The following PDE4D variants were observed in gnomAD, a reference collection of about 807,000 sequenced individuals.
The protein encoded by PDE4D is 3',5'-cyclic-AMP phosphodiesterase 4D.
In PDE4D, 24 loss-of-function variants were observed where a neutral mutation model predicts 87.4. That is an observed-to-expected ratio of 0.27 (90% CI 0.20 to 0.39). PDE4D has a LOEUF of 0.39. PDE4D is among the 10% of genes least tolerant of loss of function. PDE4D has a pLI of 1.00. For synonymous variants in PDE4D, 384 were observed against 383.2 expected, an observed-to-expected ratio of 1.00 and a Z score of -0.02; for missense variants, 714 against 1,041.0, an observed-to-expected ratio of 0.69 and a Z score of 4.32.
intron 1 of PDE4D, among the ~76,000 whole-genome samples, chr5:59,717,472 TGCAAGATAAAG>T (rs1316276166): frequency 1.3e-5 from 2 of 152,196 alleles, no homozygotes; most frequent in Non-Finnish European, 1.5e-5. Context: ...GAATTCCACA[TGCAAGATAAAG>T]GCACAGCCAC....
intron 1 of PDE4D, among the ~76,000 whole-genome samples, chr5:60,433,627 T>G (rs1250766217): frequency 6.6e-6 from 1 of 152,210 alleles, no homozygotes; most frequent in African/African-American, 2.4e-5. Flanking sequence ...CATGCATATG[T>G]TCATTGCAGC....
intron 1 of PDE4D, among the ~76,000 whole-genome samples, chr5:59,395,168 T>C (rs1296504466): frequency 2.0e-5 from 3 of 151,570 alleles, no homozygotes; most frequent in East Asian, 3.9e-4. Flanking sequence ...GCGCCCACCA[T>C]TGTCCAGGCT....
chr5:59,475,488 T>TA (rs1803162192), intron 1 of PDE4D, among the ~76,000 whole-genome samples: 1 of 152,070 alleles, frequency 6.6e-6, no homozygotes, highest in African/African-American at 2.4e-5. Flanking sequence ...TGGCAAGAAT[T>TA]TTTACTTTTC....
intron 1 of PDE4D, among the ~76,000 whole-genome samples, chr5:59,550,242 G>A (rs528862211): frequency 1.3e-5 from 2 of 151,716 alleles, no homozygotes; most frequent in Non-Finnish European, 2.9e-5. Flanking sequence ...CATTTACCTT[G>A]ATAACATATC....
chr5:58,996,192 G>A (rs1214616097), intron 6 of PDE4D, among the ~76,000 whole-genome samples: 1 of 152,112 alleles, frequency 6.6e-6, no homozygotes, highest in Non-Finnish European at 1.5e-5. Flanking sequence ...TAGATGACAG[G>A]TTGATGGGTG....
intron 1 of PDE4D, among the ~76,000 whole-genome samples, chr5:59,320,858 C>T (rs1228073664): frequency 6.6e-6 from 1 of 152,018 alleles, no homozygotes; most frequent in Non-Finnish European, 1.5e-5. Context: ...CCAACGAACC[C>T]ACCAACCAAT....
chr5:59,013,188 G>A (rs1219099947), intron 6 of PDE4D, among the ~76,000 whole-genome samples: 1 of 152,166 alleles, frequency 6.6e-6, no homozygotes, highest in Non-Finnish European at 1.5e-5. Flanking sequence ...GTGCCCACAA[G>A]AGAAAGCAGG....
At chr5:59,471,707 G>A (rs964688542) in intron 1 of PDE4D, among the ~76,000 whole-genome samples, 1 of 152,172 alleles carries the variant, frequency 6.6e-6, no homozygotes, top group East Asian at 1.9e-4. Flanking sequence ...AGGGAAGGTC[G>A]TTAAAAAGGC....
intron 2 of PDE4D, among the ~76,000 whole-genome samples, chr5:60,038,472 C>T (rs947400955): frequency 6.6e-6 from 1 of 151,918 alleles, no homozygotes; most frequent in African/African-American, 2.4e-5. Flanking sequence ...CTGTTCTGTT[C>T]CACTGATCTA....
At chr5:59,149,258 A>T (rs1482071547) in intron 5 of PDE4D, among the ~76,000 whole-genome samples, 3 of 152,176 alleles carry the variant, frequency 2.0e-5, no homozygotes, top group Non-Finnish European at 4.4e-5. Flanking sequence ...AACTCAGGTT[A>T]GATGTTTCTT....
At chr5:59,218,508 C>G (rs1482601540) in intron 1 of PDE4D, among the ~76,000 whole-genome samples, 1 of 152,020 alleles carries the variant, frequency 6.6e-6, no homozygotes, top group Non-Finnish European at 1.5e-5. Context: ...ATAATATTAG[C>G]ACTAAAACCA....
At chr5:59,547,583 A>G (rs1379483459) in intron 1 of PDE4D, among the ~76,000 whole-genome samples, 1 of 152,136 alleles carries the variant, frequency 6.6e-6, no homozygotes, top group Non-Finnish European at 1.5e-5. Context: ...TCCTTTCAAA[A>G]TATCATTTTC....
Position 60,098,264 on chromosome 5 carries a change from TA to T in PDE4D, c.42+87292del, listed in dbSNP as rs113314941. Among the ~76,000 whole-genome samples the T allele has an allele frequency of 7.7e-3, 1,172 of 152,102 alleles. 12 individuals carry two copies. The highest frequency in any genetic ancestry group is 0.027 in the African/African-American group (1,116 of 41,536). On this transcript the variant is annotated intron_variant, in intron 2 of 16. Transcript: ENST00000502484. Reference sequence around the variant, plus strand: ...AGGAAAACTATAGTTAACAATAATTTATTATATATTTCAAATAGCTAGAATA... The same window carrying T: ...AGGAAAACTATAGTTAACAATAATTTTTATATATTTCAAATAGCTAGAATA...
intron 1 of PDE4D, among the ~76,000 whole-genome samples, chr5:60,458,271 C>T (rs2150165098): frequency 6.6e-6 from 1 of 151,296 alleles, no homozygotes; most frequent in African/African-American, 2.4e-5. Context: ...CTTGTAGTCC[C>T]AGCTACTCAG....
chr5:60,160,790 T>A, intron 2 of PDE4D: 1 of 452,280 alleles, frequency 2.2e-6, no homozygotes, highest in Non-Finnish European at 4.4e-6. Context: ...TATTCCTGTC[T>A]TCCTCTCCAC....
chr5:59,570,139 G>A (rs576555592), intron 1 of PDE4D, among the ~76,000 whole-genome samples: 5 of 152,170 alleles, frequency 3.3e-5, no homozygotes, highest in African/African-American at 7.2e-5. Context: ...AGTCAGTGGC[G>A]CCCTCACAAG....
chr5:60,100,634 C>T (rs115728980), intron 2 of PDE4D, among the ~76,000 whole-genome samples: 2,864 of 152,144 alleles, frequency 0.019, 86 homozygotes, highest in African/African-American at 0.066. Flanking sequence ...TTTCTGTCAT[C>T]AGGAGCTACC....
intron 1 of PDE4D, among the ~76,000 whole-genome samples, chr5:60,360,989 T>C (rs763974111): frequency 3.9e-5 from 6 of 152,218 alleles, no homozygotes; most frequent in Admixed American, 2.6e-4. Context: ...TGAACATCAC[T>C]ATCGCCAGTG....
chr5:60,449,074 C>G (rs1745883455), intron 1 of PDE4D, among the ~76,000 whole-genome samples: 1 of 131,898 alleles, frequency 7.6e-6, no homozygotes, highest in Admixed American at 7.5e-5. Flanking sequence ...TGCCCGCGCA[C>G]ACACACACAC....
Sources: allele counts gnomAD v4.1 joint callset (sites outside exome capture counted in the v4.1 genomes callset), GRCh38; gene constraint gnomAD v4.1.1; transcripts MANE v1.5; gene names NCBI Gene and HGNC (gene_info 2026-07-23, HGNC 2026-07-21).